Variants in TVP23A observed in about 807,000 individuals in gnomAD.
The protein encoded by TVP23A is Golgi apparatus membrane protein TVP23 homolog A.
A neutral mutation model predicts 31.7 loss-of-function variants in TVP23A; 21 were observed. That is an observed-to-expected ratio of 0.66 (90% CI 0.47 to 0.95). The LOEUF (loss-of-function observed/expected upper bound fraction) is 0.95, where lower values mean the gene tolerates loss of function less well. Among genes scored for constraint, TVP23A ranks in the 40% least tolerant of loss-of-function variants. The probability of loss-of-function intolerance (pLI) is 0.00; values close to 1 mark genes in which losing one functional copy is unlikely to be tolerated. For missense variants in TVP23A, 279 were observed against 255.6 expected (o/e 1.09, Z -0.62); for synonymous variants, 104 against 96.0 (o/e 1.08, Z -0.49).
At chr16:10,771,518 G>A (rs943825345) in intron 6 of TVP23A, among the ~76,000 whole-genome samples, 152 bp downstream of exon 6, 1 of 152,216 alleles carries the variant, frequency 6.6e-6, no homozygotes, top group African/African-American at 2.4e-5. Context: ...CTGGGTGACA[G>A]AGCGAGATCC....
chr16:10,796,577 C>T (rs1391208938), intron 2 of TVP23A, among the ~76,000 whole-genome samples: 4 of 152,036 alleles, frequency 2.6e-5, no homozygotes, highest in South Asian at 2.1e-4. Flanking sequence ...GGACTACAGG[C>T]GCCCACGACC....
chr16:10,802,774 AACC>A (rs2033763901), intron 2 of TVP23A, among the ~76,000 whole-genome samples: 1 of 152,190 alleles, frequency 6.6e-6, no homozygotes, highest in Admixed American at 6.5e-5. Flanking sequence ...CAGTTTCATT[AACC>A]ACTAAAAAAT....
chr16:10,811,992 G>C (rs971255134), intron 2 of TVP23A, among the ~76,000 whole-genome samples: 7 of 147,556 alleles, frequency 4.7e-5, no homozygotes, highest in African/African-American at 1.8e-4. Flanking sequence ...ACAACCAACA[G>C]AATGAAAAGG....
intron 2 of TVP23A, among the ~76,000 whole-genome samples, chr16:10,810,728 T>C (rs77963320): frequency 1.3e-5 from 2 of 152,198 alleles, no homozygotes; most frequent in East Asian, 3.9e-4. Context: ...TCATACCTCC[T>C]GGTTTTGGGG....
In TVP23A at chr16:10,777,324, T is replaced by G. The variant is rs1036648174; in HGVS notation, c.90-2228A>C. Among the ~76,000 whole-genome samples, 1 of 152,150 alleles carries G rather than the reference T, an allele frequency of 6.6e-6. No individual in the cohort carries two copies. The highest frequency in any genetic ancestry group is 2.4e-5 in the African/African-American group (1 of 41,434). ...TTTTAAATGATGGCCACTAATTCTTTTACTGAAATATCAGTCTGTGTTTCT... is the reference window on the plus strand; with the variant it reads ...TTTTAAATGATGGCCACTAATTCTTGTACTGAAATATCAGTCTGTGTTTCT... On this transcript the variant is annotated intron_variant, in intron 2 of 7. Transcript: ENST00000299866. This position sits in a 1 kb window ranked among gnomAD's most constrained non-coding sequence, Gnocchi z 4.5.
chr16:10,758,345 C>T (rs1363058083), downstream of TVP23A, among the ~76,000 whole-genome samples: 5 of 152,116 alleles, frequency 3.3e-5, no homozygotes, highest in East Asian at 3.9e-4. Context: ...TGGTGGCTCG[C>T]GCCTGTAGTT....
At chr16:10,775,969 G>A (rs12922551) in intron 2 of TVP23A, among the ~76,000 whole-genome samples, 1 of 151,344 alleles carries the variant, frequency 6.6e-6, no homozygotes, top group African/African-American at 2.4e-5. Context: ...GGCTGGTTTC[G>A]AACTCCTGAC....
At chr16:10,798,170 A>G (rs1247357875) in intron 2 of TVP23A, among the ~76,000 whole-genome samples, 2 of 151,818 alleles carry the variant, frequency 1.3e-5, no homozygotes, top group East Asian at 1.9e-4. Context: ...CATGTTAGCC[A>G]GGATGGTCTC....
chr16:10,811,903 C>CAAAAAAA (rs763108313), intron 2 of TVP23A, among the ~76,000 whole-genome samples: 1 of 42,282 alleles, frequency 2.4e-5, no homozygotes, highest in African/African-American at 8.4e-5. Flanking sequence ...GACTCCGTCT[C>CAAAAAAA]AAAAAAAAAA....
At chr16:10,804,256 C>A (rs777451065) in intron 2 of TVP23A, among the ~76,000 whole-genome samples, 2 of 152,196 alleles carry the variant, frequency 1.3e-5, no homozygotes, top group African/African-American at 2.4e-5. Flanking sequence ...GCCTCTTGGG[C>A]CCCTGGAAAA....
intron 2 of TVP23A, among the ~76,000 whole-genome samples, chr16:10,816,339 AT>A (rs909197215): frequency 7.6e-4 from 104 of 136,270 alleles, no homozygotes; most frequent in Middle Eastern, 3.5e-3. Context: ...TTAATTAAGA[AT>A]TTTTTTTTTT....
chr16:10,759,972 A>G (rs1324637024), downstream of TVP23A, among the ~76,000 whole-genome samples: 1 of 152,244 alleles, frequency 6.6e-6, no homozygotes, highest in East Asian at 1.9e-4. The surrounding 1 kb of genome is among the most constrained non-coding windows in gnomAD (Gnocchi z 4.7). Flanking sequence ...TACACCTGAC[A>G]GTGACAAGCC....
At chr16:10,786,231 G>C (rs1158959871) in intron 2 of TVP23A, among the ~76,000 whole-genome samples, 1 of 152,122 alleles carries the variant, frequency 6.6e-6, no homozygotes, top group African/African-American at 2.4e-5. Context: ...CATCCACAGG[G>C]GAAGGTGAGT....
intron 2 of TVP23A, chr16:10,808,752 G>A (rs961108423): frequency 1.1e-5 from 3 of 283,196 alleles, no homozygotes; most frequent in African/African-American, 6.8e-5. Context: ...ACTCCAGCCT[G>A]GGCAACAGAA....
chr16:10,812,795 A>C (rs138059217), intron 2 of TVP23A, among the ~76,000 whole-genome samples: 1 of 152,080 alleles, frequency 6.6e-6, no homozygotes, highest in South Asian at 2.1e-4. Context: ...AGATGAAAAC[A>C]CTCTGTTTCA....
chr16:10,793,624 G>A (rs192944518), intron 2 of TVP23A, among the ~76,000 whole-genome samples: 110 of 152,084 alleles, frequency 7.2e-4, no homozygotes, highest in South Asian at 5.4e-3. Context: ...GGCTAGGTAC[G>A]GTGGCTCACG....
intron 2 of TVP23A, among the ~76,000 whole-genome samples, chr16:10,814,102 C>T (rs2034326702): frequency 6.7e-6 from 1 of 149,778 alleles, no homozygotes; most frequent in Admixed American, 6.7e-5. Flanking sequence ...TACATTCCTA[C>T]ACATCAGAAT....
intron 2 of TVP23A, among the ~76,000 whole-genome samples, chr16:10,795,150 G>A (rs1050029614): frequency 2.6e-4 from 40 of 152,216 alleles, no homozygotes; most frequent in African/African-American, 9.4e-4. Flanking sequence ...ACCAACCTGG[G>A]CAACATGGTG....
chr16:10,804,971 A>G (rs1380813096), intron 2 of TVP23A, among the ~76,000 whole-genome samples: 2 of 150,674 alleles, frequency 1.3e-5, no homozygotes, highest in African/African-American at 4.9e-5. Context: ...CCTGACAGCC[A>G]CCAATCTGCC....
Sources: allele counts gnomAD v4.1 joint callset (sites outside exome capture counted in the v4.1 genomes callset), GRCh38; gene constraint gnomAD v4.1.1; non-coding constraint Gnocchi (gnomAD v3.1); transcripts MANE v1.5; gene names NCBI Gene and HGNC (gene_info 2026-07-23, HGNC 2026-07-21).